Variants in STX8 observed in about 807,000 individuals in gnomAD.
STX8 encodes syntaxin 8.
STX8 carries 23 observed loss-of-function variants against 37.5 expected under a neutral mutation model. The ratio of observed to expected loss-of-function variants is 0.61; its 90% CI spans 0.44 to 0.87. The LOEUF (loss-of-function observed/expected upper bound fraction) is 0.87. Among genes scored for constraint, STX8 ranks in the 40% least tolerant of loss-of-function variants. STX8 has a pLI of 0.00. For missense variants in STX8, 313 were observed against 284.7 expected, an observed-to-expected ratio of 1.10 and a Z score of -0.71; for synonymous variants, 115 against 99.1, an observed-to-expected ratio of 1.16 and a Z score of -0.95.
In STX8 at chr17:9,505,228, C is replaced by T. The variant is rs1383344149; in HGVS notation, c.324-66G>A. 6 of 1,555,776 alleles carry T rather than the reference C, an allele frequency of 3.9e-6. No individual in the cohort carries two copies. The African/African-American group carries it at 5.5e-5, about 14-fold the overall frequency. ...GCAGCTCAAATGCAAATTACTCCCA[C>T]AAGTGCAGAGGTGGCCAGCCTTGAA... On this transcript the variant is annotated intron_variant, in intron 4 of 7. Coordinates refer to ENST00000306357, the MANE Select transcript of STX8 (RefSeq NM_004853.3).
intron 7 of STX8, among the ~76,000 whole-genome samples, chr17:9,289,728 C>T (rs748580554): frequency 7.9e-5 from 12 of 151,414 alleles, no homozygotes; most frequent in South Asian, 6.3e-4. Context: ...TGCAGTGAGT[C>T]GGGATCGCGC....
intron 2 of STX8, among the ~76,000 whole-genome samples, chr17:9,563,152 C>T (rs1342345647): frequency 4.2e-5 from 6 of 142,012 alleles, no homozygotes; most frequent in African/African-American, 1.6e-4. Flanking sequence ...TTCATTCATC[C>T]ATTTATTTAT....
rs186644974 is a variant in STX8, at chr17:9,432,631, A to C, written c.542-53978T>G. The stretch of plus-strand genomic sequence containing the variant: ...TGGGAACTTTCACCTTGTCTCTCAT[A>C]AACTAGAAAGTGTACTTCATGTTCC... On this transcript the variant is annotated intron_variant, in intron 6 of 7. Transcript: ENST00000306357. Among the ~76,000 whole-genome samples, 4 of 152,360 alleles carry C rather than the reference A, an allele frequency of 2.6e-5. No homozygotes were observed. In the East Asian group the frequency reaches 7.7e-4, roughly 29 times the overall value.
At chr17:9,497,118 G>A (rs1238059009) in intron 5 of STX8, among the ~76,000 whole-genome samples, 1 of 152,070 alleles carries the variant, frequency 6.6e-6, no homozygotes, top group East Asian at 1.9e-4. Context: ...CTGGATAGTG[G>A]GAAACTAAAG....
Position 9,516,439 on chromosome 17 carries a change from T to C in STX8, c.324-11277A>G, listed in dbSNP as rs142657678. ...TCAAACATACATCACCACAGACATA[T>C]ATAGAAAGGATTTCCCAGGGTTATC... On this transcript the variant is annotated intron_variant, in intron 4 of 7. Transcript: ENST00000306357. Among the ~76,000 whole-genome samples, 299 of 150,386 alleles carry C rather than the reference T, an allele frequency of 2.0e-3. 1 individual carries two copies. Among genetic ancestry groups the C allele is most frequent in the African/African-American group, 6.9e-3 (285 of 41,030 alleles).
chr17:9,327,225 A>AAGGAGGAAGAAGGAGGAAGGAGGAAGG (rs1567784918), intron 7 of STX8, among the ~76,000 whole-genome samples: 1 of 147,974 alleles, frequency 6.8e-6, no homozygotes, highest in African/African-American at 2.6e-5. Flanking sequence ...AAGGAGGAAG[A>AAGGAGGAAGAAGGAGGAAGGAGGAAGG]AGGAGGAAGG....
In STX8 at chr17:9,544,775, G is replaced by A. The variant is rs189007788; in HGVS notation, c.323+397C>T. On this transcript the variant is annotated intron_variant, in intron 4 of 7. Transcript: ENST00000306357. ...TGGGAGGCCAAGGCGGGCGGATCAC[G>A]AGGTCAGGAGATCGAGACCATCCTG... is the stretch of plus-strand genomic sequence containing the variant. Among the ~76,000 whole-genome samples, 44 of 152,222 alleles carry A rather than the reference G, an allele frequency of 2.9e-4. 1 individual carries two copies. Among genetic ancestry groups the A allele is most frequent in the African/African-American group, 9.6e-4 (40 of 41,542 alleles).
At chr17:9,505,272 C>A in intron 4 of STX8, 110 bp from the exon 5 acceptor site, 2 of 1,298,450 alleles carry the variant, frequency 1.5e-6, no homozygotes, top group Non-Finnish European at 2.1e-6. Context: ...AAATTCAATT[C>A]AAACACAATT....
At chr17:9,366,340 T>C (rs1437204084) in intron 7 of STX8, among the ~76,000 whole-genome samples, 2 of 152,200 alleles carry the variant, frequency 1.3e-5, no homozygotes, top group Non-Finnish European at 2.9e-5. Flanking sequence ...CAAGTGATTC[T>C]CCTGCCTCAG....
intron 4 of STX8, among the ~76,000 whole-genome samples, chr17:9,513,001 A>C (rs71369628): frequency 0.086 from 13,020 of 152,276 alleles, 702 homozygotes; most frequent in South Asian, 0.14. Flanking sequence ...TCACAAGCAC[A>C]GGCAACAAAA....
At chr17:9,360,694 C>T (rs1357473680) in intron 7 of STX8, among the ~76,000 whole-genome samples, 2 of 146,902 alleles carry the variant, frequency 1.4e-5, no homozygotes, top group East Asian at 4.0e-4. Flanking sequence ...TGTAGAAATC[C>T]AAAAGTCATT....
intron 7 of STX8, among the ~76,000 whole-genome samples, chr17:9,342,540 G>A (rs1910397370): frequency 6.6e-6 from 1 of 152,190 alleles, no homozygotes; most frequent in African/African-American, 2.4e-5. Flanking sequence ...GAATTGTCCA[G>A]CCAGAGCTAC....
intron 6 of STX8, among the ~76,000 whole-genome samples, chr17:9,408,106 T>C (rs1010411947): frequency 6.6e-6 from 1 of 152,136 alleles, no homozygotes; most frequent in African/African-American, 2.4e-5. Context: ...TCACGATATA[T>C]ATAAAAATAA....
intron 1 of STX8, among the ~76,000 whole-genome samples, chr17:9,575,082 G>A (rs764647577): frequency 2.0e-5 from 3 of 152,178 alleles, no homozygotes; most frequent in East Asian, 1.9e-4. Flanking sequence ...ATAACAATAC[G>A]TTCCTTGGGA....
intron 4 of STX8, among the ~76,000 whole-genome samples, chr17:9,524,179 A>T (rs977844344): frequency 3.3e-5 from 5 of 152,240 alleles, no homozygotes; most frequent in African/African-American, 1.2e-4. Flanking sequence ...AAGAAGATAC[A>T]CAAGGAGGAA....
At chr17:9,378,528 A>C (rs2142284117) in intron 7 of STX8, 24 bp downstream of exon 7, 1 of 1,582,688 alleles carries the variant, frequency 6.3e-7, no homozygotes, top group African/African-American at 1.3e-5. Flanking sequence ...ACAGAAACAG[A>C]GCCATAACGT....
At chr17:9,429,208 A>G (rs1030249662) in intron 6 of STX8, among the ~76,000 whole-genome samples, 2 of 150,562 alleles carry the variant, frequency 1.3e-5, no homozygotes, top group Non-Finnish European at 3.0e-5. Context: ...GGAATGTTAT[A>G]CTATTAATTT....
At chr17:9,301,817 G>C (rs915753047) in intron 7 of STX8, among the ~76,000 whole-genome samples, 7 of 152,104 alleles carry the variant, frequency 4.6e-5, no homozygotes, top group South Asian at 2.1e-4. Context: ...TAGAAAACTA[G>C]ATTTATTTTG....
intron 7 of STX8, among the ~76,000 whole-genome samples, chr17:9,353,522 A>T (rs1383530659): frequency 6.6e-6 from 1 of 152,216 alleles, no homozygotes; most frequent in Non-Finnish European, 1.5e-5. Flanking sequence ...ACCAAACACC[A>T]TAAAGATCAT....
Sources: allele counts gnomAD v4.1 joint callset (sites outside exome capture counted in the v4.1 genomes callset), GRCh38; gene constraint gnomAD v4.1.1; transcripts MANE v1.5; gene names NCBI Gene and HGNC (gene_info 2026-07-23, HGNC 2026-07-21).